Variants in PDE1C observed in about 807,000 individuals in gnomAD.
PDE1C encodes the protein phosphodiesterase 1C, also known as dual specificity calcium/calmodulin-dependent 3',5'-cyclic nucleotide phosphodiesterase 1C.
In PDE1C, 62 loss-of-function variants were observed where a neutral mutation model predicts 93.1. The ratio of observed to expected loss-of-function variants is 0.67; its 90% CI spans 0.54 to 0.82. The LOEUF (loss-of-function observed/expected upper bound fraction) is 0.82, where lower values mean the gene tolerates loss of function less well. Ranked by LOEUF, PDE1C falls within the 40% of genes least tolerant of loss-of-function variation. PDE1C has a pLI of 0.00. For missense variants in PDE1C, 742 were observed against 884.6 expected (o/e 0.84, Z 2.04); for synonymous variants, 325 against 310.1 (o/e 1.05, Z -0.50).
At chr7:31,765,493 G>A (rs926902800) in intron 17 of PDE1C, among the ~76,000 whole-genome samples, 1 of 152,140 alleles carries the variant, frequency 6.6e-6, no homozygotes, top group African/African-American at 2.4e-5. Context: ...TTTCCCACTT[G>A]TGCATGAGAA....
chr7:32,074,667 T>C (rs1234995702), upstream of PDE1C, among the ~76,000 whole-genome samples: 1 of 152,032 alleles, frequency 6.6e-6, no homozygotes, highest in East Asian at 1.9e-4. Context: ...ATTCATGCTG[T>C]GGGGAAATTA....
the PDE1C span, among the ~76,000 whole-genome samples, chr7:31,725,298 T>C: frequency 2.0e-5 from 3 of 152,152 alleles, no homozygotes; most frequent in Non-Finnish European, 4.4e-5. Flanking sequence ...TCAGCCACAA[T>C]ACAGGCAAAC....
intron 3 of PDE1C, among the ~76,000 whole-genome samples, chr7:32,110,490 C>T (rs923461279): frequency 2.6e-5 from 4 of 152,112 alleles, no homozygotes; most frequent in Admixed American, 6.5e-5. Context: ...GGTGGGGACA[C>T]GGCCAAACCA....
chr7:31,761,312 T>C (rs935764843), intron 17 of PDE1C, among the ~76,000 whole-genome samples: 2 of 152,218 alleles, frequency 1.3e-5, no homozygotes, highest in Non-Finnish European at 2.9e-5. Context: ...CATTTAGGTA[T>C]GTACCTGAGT....
At chr7:32,092,990 G>A in intron 3 of PDE1C, among the ~76,000 whole-genome samples, 1 of 152,194 alleles carries the variant, frequency 6.6e-6, no homozygotes, top group East Asian at 1.9e-4. Flanking sequence ...CTGTCTCTAA[G>A]GTGACAGGCT....
At chr7:32,163,007 CT>C (rs1360756813) in intron 3 of PDE1C, among the ~76,000 whole-genome samples, 1 of 152,164 alleles carries the variant, frequency 6.6e-6, no homozygotes, top group East Asian at 1.9e-4. Context: ...GCAATAAAAA[CT>C]TCTCTAGGCT....
At chr7:32,370,061 G>A (rs1784302366) in intron 1 of PDE1C, among the ~76,000 whole-genome samples, 2 of 152,158 alleles carry the variant, frequency 1.3e-5, no homozygotes, top group South Asian at 4.1e-4. Context: ...ATTCACAGTA[G>A]CAAAGACTTG....
intron 3 of PDE1C, among the ~76,000 whole-genome samples, chr7:32,149,482 A>G (rs1232187477): frequency 2.6e-5 from 4 of 152,210 alleles, no homozygotes; most frequent in Admixed American, 2.6e-4. Context: ...ATCTACAAAA[A>G]TCTATTTGAA....
chr7:32,081,766 AGGATTTATTGATAGAGGGCTGGTCATT>A (rs531372894), intron 3 of PDE1C, among the ~76,000 whole-genome samples: 109 of 152,366 alleles, frequency 7.2e-4, no homozygotes, highest in Middle Eastern at 3.4e-3. Context: ...AACTTGGTTA[AGGATTTATTGATAGAGGGCTGGTCATT>A]GACTGCTGGT....
intron 2 of PDE1C, among the ~76,000 whole-genome samples, chr7:32,204,891 G>T (rs1584952669): frequency 6.6e-6 from 1 of 152,264 alleles, no homozygotes; most frequent in East Asian, 1.9e-4. Context: ...AGTCACTTCT[G>T]TCTCCCTAAT....
At chr7:31,907,306 A>T (rs188490124) in intron 2 of PDE1C, among the ~76,000 whole-genome samples, 29 of 152,248 alleles carry the variant, frequency 1.9e-4, no homozygotes, top group African/African-American at 6.7e-4. Context: ...GGTAAGATCA[A>T]CTCTGAGTTA....
chr7:32,367,075 C>T (rs937245515), intron 1 of PDE1C, among the ~76,000 whole-genome samples: 1 of 151,894 alleles, frequency 6.6e-6, no homozygotes, highest in Non-Finnish European at 1.5e-5. Flanking sequence ...GAATATCATG[C>T]CCAGCAAAGC....
chr7:31,940,724 T>C (rs1805710348), intron 2 of PDE1C, among the ~76,000 whole-genome samples: 1 of 152,168 alleles, frequency 6.6e-6, no homozygotes, highest in Admixed American at 6.5e-5. Context: ...TCATTGGTCC[T>C]CATGCACTGA....
intron 17 of PDE1C, among the ~76,000 whole-genome samples, chr7:31,767,080 C>T (rs1795194940): frequency 6.6e-6 from 1 of 152,102 alleles, no homozygotes; most frequent in Admixed American, 6.5e-5. Flanking sequence ...CAAGTTGAAG[C>T]CACTTGCAAT....
At chr7:32,024,290 T>C (rs1789111634) in intron 2 of PDE1C, among the ~76,000 whole-genome samples, 1 of 151,860 alleles carries the variant, frequency 6.6e-6, no homozygotes, top group Non-Finnish European at 1.5e-5. Context: ...TTATAAAATG[T>C]CTGAAGTTTT....
At chr7:32,248,061 T>A (rs1456378946) in intron 1 of PDE1C, among the ~76,000 whole-genome samples, 1 of 152,200 alleles carries the variant, frequency 6.6e-6, no homozygotes, top group Non-Finnish European at 1.5e-5. Flanking sequence ...GAGCACAGGA[T>A]GGCTGTTTGA....
At chr7:32,021,597 GT>G (rs564352471) in intron 2 of PDE1C, among the ~76,000 whole-genome samples, 1 of 152,006 alleles carries the variant, frequency 6.6e-6, no homozygotes, top group Non-Finnish European at 1.5e-5. Flanking sequence ...TTTTAAAATA[GT>G]TTTTTTATAA....
chr7:32,062,267 G>T (rs547138544), intron 1 of PDE1C, among the ~76,000 whole-genome samples: 88 of 152,280 alleles, frequency 5.8e-4, no homozygotes, highest in African/African-American at 2.0e-3. Flanking sequence ...TCCAAGTCCT[G>T]TTGGATCTAC....
chr7:32,156,699 CTTAT>C (rs1455148147), intron 3 of PDE1C, among the ~76,000 whole-genome samples: 1 of 152,186 alleles, frequency 6.6e-6, no homozygotes, highest in Non-Finnish European at 1.5e-5. Context: ...AGGGAAAGCT[CTTAT>C]TTACAGTCAA....
Sources: allele counts gnomAD v4.1 joint callset (sites outside exome capture counted in the v4.1 genomes callset), GRCh38; gene constraint gnomAD v4.1.1; transcripts MANE v1.5; gene names NCBI Gene and HGNC (gene_info 2026-07-23, HGNC 2026-07-21).